The following KCNMB2 variants were observed in gnomAD, a reference collection of about 807,000 sequenced individuals.
The protein encoded by KCNMB2 is calcium-activated potassium channel subunit beta-2.
In KCNMB2, 9 loss-of-function variants were observed where a neutral mutation model predicts 24.5. That is an observed-to-expected ratio of 0.37 (90% CI 0.22 to 0.64). The LOEUF (loss-of-function observed/expected upper bound fraction) is 0.64. Ranked by LOEUF, KCNMB2 falls within the 30% of genes least tolerant of loss-of-function variation. The pLI, the probability that KCNMB2 is intolerant of heterozygous loss-of-function variation, is 0.63. For missense variants in KCNMB2, 226 were observed against 284.3 expected, an observed-to-expected ratio of 0.79 and a Z score of 1.47; for synonymous variants, 109 against 104.4, an observed-to-expected ratio of 1.04 and a Z score of -0.27.
In KCNMB2 at chr3:178,834,926, C is replaced by G. The variant is rs190028318; in HGVS notation, c.423+6553C>G. 1.6e-3 allele frequency among the ~76,000 whole-genome samples: 250 copies of G among 151,882 alleles called. 1 individual carries two copies. The highest frequency in any genetic ancestry group is 5.9e-3 in the African/African-American group (243 of 41,434). Reference sequence around the variant, plus strand: ...CAAGAAGAAAAGCGGGGGAAGGAACCTAGTGCTTTTCAATTGCCAAGACAG... The same window carrying G: ...CAAGAAGAAAAGCGGGGGAAGGAACGTAGTGCTTTTCAATTGCCAAGACAG... On this transcript the variant is annotated intron_variant, in intron 4 of 4. Transcript: ENST00000452583.
rs566646090 is a variant in KCNMB2, at chr3:178,823,594, G to T, written c.57-1994G>T. Among the ~76,000 whole-genome samples, 13 of 152,270 alleles carry T rather than the reference G, an allele frequency of 8.5e-5. No individual in the cohort carries two copies. In the South Asian group the frequency reaches 2.7e-3, roughly 32 times the overall value. ...TAAATACTCGGCCCTACAACCTCAT[G>T]GAAATATATTAAGTACATACACACT... On this transcript the variant is annotated intron_variant, in intron 2 of 4. Transcript: ENST00000452583.
intron 1 of KCNMB2, among the ~76,000 whole-genome samples, chr3:178,689,476 A>G (rs1286433663): frequency 6.6e-6 from 1 of 152,128 alleles, no homozygotes. Flanking sequence ...TCTACTAAAA[A>G]TACAAAAAAG....
chr3:178,634,651 C>T (rs988471802), intron 1 of KCNMB2, among the ~76,000 whole-genome samples: 1 of 152,090 alleles, frequency 6.6e-6, no homozygotes, highest in Non-Finnish European at 1.5e-5. Flanking sequence ...GGGGATACAA[C>T]AAAACCATAT....
At chr3:178,686,417 T>C (rs964178323) in intron 1 of KCNMB2, among the ~76,000 whole-genome samples, 23 of 152,188 alleles carry the variant, frequency 1.5e-4, no homozygotes, top group African/African-American at 5.5e-4. Flanking sequence ...TAGTAAGACC[T>C]GTTTATTCCA....
chr3:178,540,437 GCTCAAAAGC>G (rs1294134425), intron 1 of KCNMB2, among the ~76,000 whole-genome samples: 1 of 152,164 alleles, frequency 6.6e-6, no homozygotes, highest in Non-Finnish European at 1.5e-5. Flanking sequence ...CCTACCTTCT[GCTCAAAAGC>G]CTCCAATGTC....
chr3:178,571,112 T>C (rs537861295), intron 1 of KCNMB2, among the ~76,000 whole-genome samples: 1 of 152,298 alleles, frequency 6.6e-6, no homozygotes, highest in South Asian at 2.1e-4. Context: ...TGAATTACTA[T>C]GTGTACTTTA....
At chr3:178,833,904 AG>A (rs1417282027) in intron 4 of KCNMB2, among the ~76,000 whole-genome samples, 21 of 152,256 alleles carry the variant, frequency 1.4e-4, no homozygotes, top group African/African-American at 5.1e-4. Flanking sequence ...AGAGGGCTCA[AG>A]GGTCCCTGCC....
intron 4 of KCNMB2, among the ~76,000 whole-genome samples, chr3:178,842,131 T>C (rs558149524): frequency 2.6e-4 from 40 of 152,224 alleles, no homozygotes; most frequent in African/African-American, 9.4e-4. Context: ...TTTATGACAG[T>C]TGCAAAGTAA....
intron 1 of KCNMB2, among the ~76,000 whole-genome samples, chr3:178,760,851 T>C (rs1391316535): frequency 6.6e-6 from 1 of 151,956 alleles, no homozygotes; most frequent in African/African-American, 2.4e-5. Flanking sequence ...GTGTTGGCCA[T>C]TGAAGGAAAG....
At chr3:178,715,867 T>C (rs1722602871) in intron 1 of KCNMB2, among the ~76,000 whole-genome samples, 1 of 152,188 alleles carries the variant, frequency 6.6e-6, no homozygotes, top group Non-Finnish European at 1.5e-5. Flanking sequence ...ACCAGGGCCC[T>C]GGGAGAACAG....
At chr3:178,715,997 A>C (rs544132015) in intron 1 of KCNMB2, among the ~76,000 whole-genome samples, 2 of 152,342 alleles carry the variant, frequency 1.3e-5, no homozygotes, top group Non-Finnish European at 2.9e-5. Context: ...CTTTCCTGTC[A>C]GTGCCTCTGA....
At chr3:178,593,509 G>C (rs1465478130) in intron 1 of KCNMB2, among the ~76,000 whole-genome samples, 1 of 151,986 alleles carries the variant, frequency 6.6e-6, no homozygotes, top group Admixed American at 6.6e-5. Flanking sequence ...TGATTTCAAA[G>C]TGGTTTTGGA....
At chr3:178,593,699 A>G (rs1200234057) in intron 1 of KCNMB2, among the ~76,000 whole-genome samples, 1 of 151,098 alleles carries the variant, frequency 6.6e-6, no homozygotes, top group East Asian at 1.9e-4. Flanking sequence ...TCTACTACCA[A>G]TTCCCCGGCC....
intron 1 of KCNMB2, among the ~76,000 whole-genome samples, chr3:178,740,812 C>T (rs982774897): frequency 6.6e-6 from 1 of 152,186 alleles, no homozygotes; most frequent in Admixed American, 6.5e-5. Context: ...GCATACATTA[C>T]CTCATTTAAA....
At chr3:178,664,569 C>T (rs1195737273) in intron 1 of KCNMB2, among the ~76,000 whole-genome samples, 1 of 151,986 alleles carries the variant, frequency 6.6e-6, no homozygotes, top group Admixed American at 6.6e-5. Context: ...TCTGTAAAAT[C>T]TATAATTATC....
intron 1 of KCNMB2, among the ~76,000 whole-genome samples, chr3:178,753,167 T>C (rs540310344): frequency 1.3e-5 from 2 of 152,338 alleles, no homozygotes; most frequent in Admixed American, 6.5e-5. Context: ...ATGGCAGTCA[T>C]GTAGTGATAG....
intron 1 of KCNMB2, among the ~76,000 whole-genome samples, chr3:178,662,532 AAAGGAC>A (rs1269440499): frequency 6.6e-6 from 1 of 152,174 alleles, no homozygotes; most frequent in African/African-American, 2.4e-5. Context: ...TGTGGTATAA[AAAGGAC>A]AAGAGCTTGT....
intron 2 of KCNMB2, among the ~76,000 whole-genome samples, chr3:178,807,981 G>T (rs1714042258): frequency 1.3e-5 from 2 of 152,016 alleles, no homozygotes; most frequent in African/African-American, 4.8e-5. Flanking sequence ...TTCTTCTGAA[G>T]TGATGAAAAC....
At chr3:178,657,560 A>G (rs1720389135) in intron 1 of KCNMB2, among the ~76,000 whole-genome samples, 1 of 152,270 alleles carries the variant, frequency 6.6e-6, no homozygotes, top group South Asian at 2.1e-4. Flanking sequence ...ATCAATGGAT[A>G]AAAGCTATCC....
Sources: allele counts gnomAD v4.1 joint callset (sites outside exome capture counted in the v4.1 genomes callset), GRCh38; gene constraint gnomAD v4.1.1; transcripts MANE v1.5; gene names NCBI Gene and HGNC (gene_info 2026-07-23, HGNC 2026-07-21).